The following CTNNA2 variants were observed in gnomAD, a reference collection of about 807,000 sequenced individuals.
CTNNA2 encodes the protein catenin alpha 2, also known as catenin alpha-2.
In CTNNA2, 42 loss-of-function variants were observed where a neutral mutation model predicts 101.0. The ratio of observed to expected loss-of-function variants is 0.42; its 90% CI spans 0.32 to 0.54. The LOEUF is 0.54. Ranked by LOEUF, CTNNA2 falls within the 20% of genes least tolerant of loss-of-function variation. The pLI, the probability that CTNNA2 is intolerant of heterozygous loss-of-function variation, is 0.14. For synonymous variants in CTNNA2, 450 were observed against 456.4 expected (o/e 0.99, Z 0.18); for missense variants, 871 against 1,223.1 (o/e 0.71, Z 4.29).
chr2:80,068,717 G>A (rs913444633), intron 7 of CTNNA2, among the ~76,000 whole-genome samples: 2 of 152,122 alleles, frequency 1.3e-5, no homozygotes, highest in African/African-American at 2.4e-5. Context: ...AAGGAAAAAA[G>A]TCAGAAACAG....
At chr2:80,084,066 A>G (rs1182212368) in intron 7 of CTNNA2, among the ~76,000 whole-genome samples, 1 of 152,082 alleles carries the variant, frequency 6.6e-6, no homozygotes, top group Non-Finnish European at 1.5e-5. Flanking sequence ...CCCTGGAATC[A>G]CGTTCTCTAA....
rs530470884 is a variant in CTNNA2 at position 79,501,421 on chromosome 2, C to T, written c.-134-3633C>T. 7.9e-5 allele frequency among the ~76,000 whole-genome samples: 12 copies of T among 152,286 alleles called. No individual in the cohort carries two copies. The South Asian group carries it at 2.3e-3, about 29-fold the overall frequency. The stretch of plus-strand genomic sequence containing the variant: ...CTGGATCTATAGGAGTGAGCCACTG[C>T]ATTCAGCTTATCTGTTGTTGCTTTA... On this transcript the variant is annotated intron_variant, in intron 4 of 21. Transcript: ENST00000466387.
At chr2:79,804,803 A>C (rs895716102) in intron 3 of CTNNA2, among the ~76,000 whole-genome samples, 3 of 152,250 alleles carry the variant, frequency 2.0e-5, no homozygotes, top group Admixed American at 6.5e-5. Flanking sequence ...AAGTTATAGC[A>C]CTTTAATGGA....
chr2:79,269,079 T>C (rs1267373388), intron 2 of CTNNA2, among the ~76,000 whole-genome samples: 2 of 152,010 alleles, frequency 1.3e-5, no homozygotes, highest in Non-Finnish European at 2.9e-5. Flanking sequence ...ATGTTAGAAA[T>C]TGATGCTGGA....
intron 7 of CTNNA2, among the ~76,000 whole-genome samples, chr2:80,317,737 G>A (rs1304479106): frequency 6.6e-6 from 1 of 152,030 alleles, no homozygotes; most frequent in Admixed American, 6.6e-5. Context: ...TTGTATGTGG[G>A]AGTCTGGCTT....
At chr2:79,301,094 C>A (rs1328813907) in intron 2 of CTNNA2, among the ~76,000 whole-genome samples, 1 of 152,228 alleles carries the variant, frequency 6.6e-6, no homozygotes, top group Non-Finnish European at 1.5e-5. Context: ...TTCCATATTA[C>A]AAGATGCCTT....
chr2:80,390,762 T>C (rs1287584118), intron 7 of CTNNA2, among the ~76,000 whole-genome samples: 2 of 152,188 alleles, frequency 1.3e-5, no homozygotes, highest in African/African-American at 4.8e-5. Context: ...CCTAGCCCTA[T>C]TGGATCCTGT....
At chr2:79,696,159 C>T (rs926937730) in intron 2 of CTNNA2, among the ~76,000 whole-genome samples, 7 of 151,986 alleles carry the variant, frequency 4.6e-5, no homozygotes, top group African/African-American at 1.2e-4. Context: ...AGCCAAAAAG[C>T]AAGGTTACAA....
intron 18 of CTNNA2, among the ~76,000 whole-genome samples, chr2:80,641,447 AAC>A (rs1266025556): frequency 6.6e-6 from 1 of 152,158 alleles, no homozygotes; most frequent in Non-Finnish European, 1.5e-5. Context: ...ATGAATTCAG[AAC>A]ACACAGTCAA....
intron 6 of CTNNA2, among the ~76,000 whole-genome samples, chr2:79,890,657 G>A (rs1684235327): frequency 6.6e-6 from 1 of 151,494 alleles, no homozygotes; most frequent in Non-Finnish European, 1.5e-5. Context: ...CTTAGTTTTG[G>A]CATCTGTTTA....
At chr2:79,856,938 A>C (rs1049496406) in intron 3 of CTNNA2, among the ~76,000 whole-genome samples, 2 of 152,176 alleles carry the variant, frequency 1.3e-5, no homozygotes, top group African/African-American at 2.4e-5. Context: ...TATTTTATGT[A>C]ATATGACTAA....
intron 1 of CTNNA2, among the ~76,000 whole-genome samples, chr2:79,637,930 A>G (rs1680189066): frequency 6.6e-6 from 1 of 152,196 alleles, no homozygotes; most frequent in Non-Finnish European, 1.5e-5. Flanking sequence ...TGAATGTAGC[A>G]TAAGGTAACA....
In CTNNA2 at chr2:79,303,660, A is replaced by T. The variant is rs78253881; in HGVS notation, c.-405-9049A>T. ...GTCACTCTCTAGGAGAGCCCTGATGAGGAAAGGGTTAGGTTCAGCCGTGTT... is the reference window on the plus strand; with the variant it reads ...GTCACTCTCTAGGAGAGCCCTGATGTGGAAAGGGTTAGGTTCAGCCGTGTT... On this transcript the variant is annotated intron_variant, in intron 2 of 21. Coordinates refer to the CTNNA2 transcript ENST00000466387. Among the ~76,000 whole-genome samples, 502 of 152,114 alleles carry T rather than the reference A, an allele frequency of 3.3e-3. 1 individual carries two copies. Among genetic ancestry groups the T allele is most frequent in the Non-Finnish European group, 5.4e-3 (367 of 68,018 alleles).
intron 15 of CTNNA2, among the ~76,000 whole-genome samples, chr2:80,589,892 G>GTGTC (rs1553400594): frequency 3.3e-5 from 5 of 149,266 alleles, no homozygotes; most frequent in African/African-American, 1.2e-4. Context: ...GTGTGTGTGT[G>GTGTC]TGTGTGTGTG....
intron 7 of CTNNA2, among the ~76,000 whole-genome samples, chr2:80,188,938 T>C: frequency 7.1e-6 from 1 of 141,192 alleles, no homozygotes; most frequent in African/African-American, 2.6e-5. Flanking sequence ...CCTGTGCAGG[T>C]GGTCACTTTT....
chr2:80,567,824 GC>G (rs1367983549), intron 12 of CTNNA2, among the ~76,000 whole-genome samples: 2 of 152,094 alleles, frequency 1.3e-5, no homozygotes, highest in African/African-American at 4.8e-5. Context: ...GGAATTAGCT[GC>G]AATTCCATCC....
chr2:79,728,961 G>A (rs912330441), intron 2 of CTNNA2, among the ~76,000 whole-genome samples: 7 of 152,150 alleles, frequency 4.6e-5, no homozygotes, highest in African/African-American at 1.4e-4. Context: ...CCAGTACCAT[G>A]CTGTTTTGGT....
intron 3 of CTNNA2, among the ~76,000 whole-genome samples, chr2:79,826,735 C>CTG (rs1246331524): frequency 1.3e-5 from 2 of 152,204 alleles, no homozygotes; most frequent in East Asian, 3.8e-4. Context: ...AACAAGGGCT[C>CTG]TGTGTGTAGG....
chr2:79,668,012 G>A (rs970680252), intron 2 of CTNNA2, among the ~76,000 whole-genome samples: 21 of 150,184 alleles, frequency 1.4e-4, no homozygotes, highest in Non-Finnish European at 2.1e-4. Flanking sequence ...AGGCCGAGGC[G>A]GGTGGATCAT....
Sources: allele counts gnomAD v4.1 joint callset (sites outside exome capture counted in the v4.1 genomes callset), GRCh38; gene constraint gnomAD v4.1.1; transcripts MANE v1.5; gene names NCBI Gene and HGNC (gene_info 2026-07-23, HGNC 2026-07-21).